Variants in SLC7A1 observed in about 807,000 individuals in gnomAD.
The protein encoded by SLC7A1 is high affinity cationic amino acid transporter 1.
In SLC7A1, 10 loss-of-function variants were observed where a neutral mutation model predicts 53.9. The observed-to-expected ratio is 0.19, with a 90% confidence interval of 0.11 to 0.31. SLC7A1 has a LOEUF of 0.31. Ranked by LOEUF, SLC7A1 falls within the 10% of genes least tolerant of loss-of-function variation. The pLI is 1.00. For synonymous variants in SLC7A1, 342 were observed against 338.7 expected (o/e 1.01, Z -0.11); for missense variants, 525 against 827.2 (o/e 0.63, Z 4.48).
chr13:29,521,246 C>G (rs1026525090), intron 8 of SLC7A1, among the ~76,000 whole-genome samples: 4 of 152,190 alleles, frequency 2.6e-5, no homozygotes, highest in Admixed American at 2.0e-4. Context: ...ATCCACAAAA[C>G]TAAGCACAGT....
chr13:29,551,245 T>C (rs1015212166), intron 2 of SLC7A1, among the ~76,000 whole-genome samples: 2 of 152,174 alleles, frequency 1.3e-5, no homozygotes, highest in Non-Finnish European at 2.9e-5. Flanking sequence ...AACCACCTAT[T>C]ATGCACCTAC....
At chr13:29,533,368 T>C (rs1869263051) in intron 3 of SLC7A1, among the ~76,000 whole-genome samples, 1 of 152,108 alleles carries the variant, frequency 6.6e-6, no homozygotes, top group Non-Finnish European at 1.5e-5. Context: ...TCATGAAAAA[T>C]TGATTTCATA....
chr13:29,577,466 G>A (rs1056037429), intron 1 of SLC7A1, among the ~76,000 whole-genome samples: 1 of 152,360 alleles, frequency 6.6e-6, no homozygotes, highest in South Asian at 2.1e-4. Context: ...ACTAACTGAA[G>A]AGTGGCAGTG....
At chr13:29,524,045 C>T (rs907728712) in intron 6 of SLC7A1, 87 bp downstream of exon 6, 29 of 1,367,322 alleles carry the variant, frequency 2.1e-5, no homozygotes, top group Admixed American at 7.4e-5. Context: ...GCGACTGGAC[C>T]GTGCCAGCAA....
intron 3 of SLC7A1, among the ~76,000 whole-genome samples, chr13:29,533,203 TC>T (rs1303772765): frequency 6.6e-6 from 1 of 152,150 alleles, no homozygotes; most frequent in African/African-American, 2.4e-5. Context: ...GCACTTCACA[TC>T]CTACCCAATA....
rs1868669560 is a variant in SLC7A1, at chr13:29,522,379, G to A, written c.1127C>T (p.Ala376Val). 6.2e-7 allele frequency: 1 copy of A among 1,614,156 alleles called. No individual in the cohort carries two copies. The highest frequency in any genetic ancestry group is 8.5e-7 in the Non-Finnish European group (1 of 1,180,000). ...TGTTTTGGTCCTATCATTGACGTTG[G>A]CTAAGAATTTAAATAGCAGTCCATC... The part of the protein sequence containing the change: ...AEDGLLFKFL[A>V]NVNDRTKTPI... The change falls in exon 8 of 13, where the codon GCC becomes GTC. Residue 376 changes from alanine (A) to valine (V), a missense_variant. Coordinates refer to ENST00000380752, the MANE Select transcript of SLC7A1 (RefSeq NM_003045.5).
intron 1 of SLC7A1, among the ~76,000 whole-genome samples, chr13:29,566,297 G>A (rs61361495): frequency 0.014 from 2,178 of 152,304 alleles, 54 homozygotes; most frequent in African/African-American, 0.05. Flanking sequence ...ATAAAGGAAA[G>A]CAAGTGTCCA....
Position 29,519,147 on chromosome 13 carries a change from A to C in SLC7A1, c.1292+300T>G, listed in dbSNP as rs150376507. The stretch of plus-strand genomic sequence containing the variant: ...GAACCAAGTTGCAATCAGTCTTCAA[A>C]CCTTCTGATCCCAGGATCCTGGCCT... On this transcript the variant is annotated intron_variant, in intron 9 of 12. Coordinates refer to ENST00000380752, the MANE Select transcript of SLC7A1 (RefSeq NM_003045.5). 4.9e-3 allele frequency among the ~76,000 whole-genome samples: 741 copies of C among 152,268 alleles called. 6 individuals are homozygous for C. The highest frequency in any genetic ancestry group is 0.016 in the African/African-American group (655 of 41,566).
At chr13:29,533,115 A>ATT in intron 3 of SLC7A1, 133 bp from the exon 4 acceptor site, 1 of 852,294 alleles carries the variant, frequency 1.2e-6, no homozygotes, top group Non-Finnish European at 1.8e-6. Context: ...CAGCAGCCAG[A>ATT]CCACAGTGTA....
chr13:29,513,364 T>A lies in SLC7A1; in HGVS notation c.*1116A>T, dbSNP rs975842619. On this transcript the variant is annotated 3_prime_UTR_variant, in exon 13 of 13. Coordinates refer to ENST00000380752, the MANE Select transcript of SLC7A1 (RefSeq NM_003045.5). ...CATGGCCATTTCCAAGTTAATGTTATGCCCTAACTTAATCTGGTGGAGTGT... is the reference window on the plus strand; with the variant it reads ...CATGGCCATTTCCAAGTTAATGTTAAGCCCTAACTTAATCTGGTGGAGTGT... 2.6e-5 allele frequency: 4 copies of A among 152,696 alleles called. No individual in the cohort carries two copies. The highest frequency in any genetic ancestry group is 2.9e-5 in the Non-Finnish European group (2 of 68,048). The allele number at this position is 152,696 out of a possible 1,614,324, so 9.5% of individuals were successfully genotyped here.
chr13:29,512,449 A>G lies in SLC7A1; in HGVS notation c.*2031T>C, dbSNP rs1257570278. The G allele has an allele frequency of 1.3e-5, 2 of 152,228 alleles. No individual in the cohort carries two copies. The highest frequency in any genetic ancestry group is 2.9e-5 in the Non-Finnish European group (2 of 68,046). The allele number at this position is 152,228 out of a possible 1,614,324, so 9.4% of individuals were successfully genotyped here. A position where few individuals can be genotyped will look rare whatever the true frequency, so the allele number is the denominator to read the frequency against. On this transcript the variant is annotated 3_prime_UTR_variant, in exon 13 of 13. Coordinates refer to ENST00000380752, the MANE Select transcript of SLC7A1 (RefSeq NM_003045.5). ...TGTCTTGCACGGAAATCTCAGCCAG[A>G]AAGAAAAACTAGAGAAAAGAAAAAA...
chr13:29,574,465 GAA>G (rs960835668), intron 1 of SLC7A1, among the ~76,000 whole-genome samples: 3 of 152,226 alleles, frequency 2.0e-5, no homozygotes, highest in Admixed American at 6.5e-5. Context: ...AAGAACCTGG[GAA>G]AGTCAGTGCC....
At chr13:29,550,591 G>C (rs280947) in intron 2 of SLC7A1, among the ~76,000 whole-genome samples, 1,938 of 152,234 alleles carry the variant, frequency 0.013, 24 homozygotes, top group South Asian at 0.04. Context: ...CCTGCATGTC[G>C]GCCAAAAAGA....
In SLC7A1 at chr13:29,591,656, G is replaced by C. The variant is rs144113312; in HGVS notation, c.-115+3760C>G. Among the ~76,000 whole-genome samples, 426 of 152,294 alleles carry C rather than the reference G, an allele frequency of 2.8e-3. 2 individuals are homozygous for C. Among genetic ancestry groups the C allele is most frequent in the African/African-American group, 9.9e-3 (410 of 41,578 alleles). On this transcript the variant is annotated intron_variant, in intron 1 of 12. Coordinates refer to ENST00000380752, the MANE Select transcript of SLC7A1 (RefSeq NM_003045.5). ...AAGCACTGCAGTAGGAATATGGAAA[G>C]CTAGGAAACAAAATTGCCATGCCCT...
rs75447357 is a variant in SLC7A1, at chr13:29,524,269, G to A, written c.705-16C>T. 102 of 1,613,944 alleles carry A rather than the reference G, an allele frequency of 6.3e-5. No individual in the cohort carries two copies. In the East Asian group the frequency reaches 1.5e-3, roughly 24 times the overall value. On this transcript the variant is annotated splice_polypyrimidine_tract_variant and intron_variant, in intron 5 of 12. Coordinates refer to ENST00000380752, the MANE Select transcript of SLC7A1 (RefSeq NM_003045.5). ...TTTTGTGTCACTAGAAAAAAGAGCC[G>A]CAAACAAATGTCACGTCACTCGCTG...
chr13:29,568,470 A>G (rs1293148954), intron 1 of SLC7A1, among the ~76,000 whole-genome samples: 1 of 152,230 alleles, frequency 6.6e-6, no homozygotes, highest in Admixed American at 6.5e-5. Context: ...AACTATGGGT[A>G]GTGAACTCTT....
At position 29,514,056 on chromosome 13, in the gene SLC7A1, C is replaced by T. The variant is rs774272645; in HGVS notation, c.*424G>A. ...TGATTGCTGGGTGTCTGGGGCTGAG[C>T]GGGAAGATGGCTGCGAAAGTTTGGA... On this transcript the variant is annotated 3_prime_UTR_variant, in exon 13 of 13. Transcript: ENST00000380752. The T allele has an allele frequency of 1.0e-4, 18 of 180,890 alleles. No individual in the cohort carries two copies. The highest frequency in any genetic ancestry group is 3.1e-4 in the African/African-American group (13 of 42,574). 11.2% of individuals were successfully genotyped at this position (180,890 alleles called of 1,614,324 possible).
In SLC7A1 at chr13:29,572,261, G is replaced by C. The variant is rs9551697; in HGVS notation, c.-114-18401C>G. 2.4e-4 allele frequency among the ~76,000 whole-genome samples: 36 copies of C among 152,350 alleles called. No homozygotes were observed. In the East Asian group the frequency reaches 6.9e-3, roughly 29 times the overall value. On this transcript the variant is annotated intron_variant, in intron 1 of 12. Transcript: ENST00000380752. Reference sequence around the variant, plus strand: ...CCAGAGAAGCCCAGTGGACCAGTGCGGGCCCCCCAGCCCTCAGGGCAGAGC... The same window carrying C: ...CCAGAGAAGCCCAGTGGACCAGTGCCGGCCCCCCAGCCCTCAGGGCAGAGC...
At chr13:29,540,739 C>G (rs556979258) in intron 2 of SLC7A1, among the ~76,000 whole-genome samples, 7 of 152,174 alleles carry the variant, frequency 4.6e-5, no homozygotes, top group Non-Finnish European at 1.0e-4. Flanking sequence ...TCAGAATGGC[C>G]AGGCCCCAGT....
Sources: allele counts gnomAD v4.1 joint callset (sites outside exome capture counted in the v4.1 genomes callset), GRCh38; gene constraint gnomAD v4.1.1; transcripts MANE v1.5; gene names NCBI Gene and HGNC (gene_info 2026-07-23, HGNC 2026-07-21).